OSMR: variants seen among roughly 807,000 people sequenced by gnomAD.
OSMR encodes oncostatin M receptor, also known as oncostatin-M-specific receptor subunit beta.
Under a neutral mutation model 99.9 loss-of-function variants are expected in OSMR, and 81 were observed. That is an observed-to-expected ratio of 0.81 (90% CI 0.68 to 0.97). OSMR has a LOEUF of 0.97. Among genes scored for constraint, OSMR ranks in the 50% least tolerant of loss-of-function variants. The pLI is 0.00. For synonymous variants in OSMR, 406 were observed against 410.4 expected (o/e 0.99, Z 0.13); for missense variants, 1,099 against 1,153.4 (o/e 0.95, Z 0.68).
rs543855737 is a variant in OSMR at position 38,934,492 on chromosome 5, T to C, written c.*1048T>C. The C allele has an allele frequency of 6.6e-6, 1 of 152,316 alleles. No homozygotes were observed. Among genetic ancestry groups the C allele is most frequent in the South Asian group, 2.1e-4 (1 of 4,824 alleles). 9.4% of individuals were successfully genotyped at this position (152,316 alleles called of 1,614,324 possible). ...CAGCTTTGTCTCCTCTGAACCAATA[T>C]ATCCCAAACCAATATATGCAAAGCA... On this transcript the variant is annotated 3_prime_UTR_variant, in exon 18 of 18. Coordinates refer to ENST00000274276, the MANE Select transcript of OSMR (RefSeq NM_003999.3).
At chr5:38,914,891 CTGTT>C (rs1745807709) in intron 9 of OSMR, among the ~76,000 whole-genome samples, 2 of 152,188 alleles carry the variant, frequency 1.3e-5, no homozygotes, top group Non-Finnish European at 2.9e-5. Flanking sequence ...TCTATGCCCA[CTGTT>C]TGGGTGATGG....
chr5:38,903,793 C>A, intron 7 of OSMR, 89 bp from the exon 8 acceptor site: 1 of 1,534,308 alleles, frequency 6.5e-7, no homozygotes, highest in Admixed American at 2.2e-5. Context: ...ACTTGTTGAA[C>A]AAATAAATGA....
At chr5:38,898,694 G>A (rs1458317676) in intron 7 of OSMR, among the ~76,000 whole-genome samples, 2 of 151,736 alleles carry the variant, frequency 1.3e-5, no homozygotes, top group African/African-American at 4.8e-5. Flanking sequence ...CTTTCTTCAA[G>A]TCTTTCTTTT....
At chr5:38,899,778 C>T (rs1218197553) in intron 7 of OSMR, among the ~76,000 whole-genome samples, 1 of 152,100 alleles carries the variant, frequency 6.6e-6, no homozygotes, top group East Asian at 1.9e-4. Flanking sequence ...AGCTGGTATC[C>T]AAGATGCAAG....
chr5:38,874,062 T>C (rs1742614104), intron 2 of OSMR, among the ~76,000 whole-genome samples: 1 of 152,132 alleles, frequency 6.6e-6, no homozygotes, highest in Non-Finnish European at 1.5e-5. Context: ...CATTTTTAAA[T>C]TGAGTTCTTT....
intron 7 of OSMR, among the ~76,000 whole-genome samples, chr5:38,900,969 C>T (rs1002006058): frequency 6.6e-6 from 1 of 152,204 alleles, no homozygotes; most frequent in African/African-American, 2.4e-5. Context: ...TTCCATAATT[C>T]TTGTCCCACA....
intron 11 of OSMR, chr5:38,919,475 A>G: frequency 1.7e-6 from 1 of 599,544 alleles, no homozygotes; most frequent in South Asian, 1.9e-5. Context: ...GTCCATGAAC[A>G]TTTCCAGAGA....
At chr5:38,918,422 C>G (rs72635265) in intron 10 of OSMR, among the ~76,000 whole-genome samples, 2,193 of 152,208 alleles carry the variant, frequency 0.014, 46 homozygotes, top group East Asian at 0.056. Flanking sequence ...TGTACGGCTG[C>G]ATAGGGGTAA....
chr5:38,940,928 G>A (rs1467196791), intron 1 of OSMR: 7 of 232,242 alleles, frequency 3.0e-5, no homozygotes, highest in South Asian at 1.8e-4. Flanking sequence ...TAATAAAAAT[G>A]TTATACACAA....
At chr5:38,895,560 A>T (rs574312815) in intron 7 of OSMR, among the ~76,000 whole-genome samples, 8 of 152,172 alleles carry the variant, frequency 5.3e-5, no homozygotes, top group Non-Finnish European at 1.2e-4. Flanking sequence ...TCAGATGGGT[A>T]GTTTGGAAAA....
intron 15 of OSMR, among the ~76,000 whole-genome samples, chr5:38,931,364 T>A (rs945917936): frequency 1.3e-5 from 2 of 152,182 alleles, no homozygotes; most frequent in African/African-American, 4.8e-5. Flanking sequence ...AGGTTCAGAT[T>A]TGTTTCACGC....
At position 38,919,056 on chromosome 5, in the gene OSMR, G is replaced by A. The variant is rs10941412; in HGVS notation, c.1579G>A (p.Glu527Lys). ...TGTAATAGTCATCTCTGCAGACCCC[G>A]AAAACAGTGAGTTTGTTTTCATTTT... ...ASVIVISADP[E>K]NKEVEEERIA... Residue 527 changes from glutamate (E) to lysine (K), a missense_variant, in exon 11 of 18, where the codon GAA becomes AAA. By Grantham distance (56) the Glu-to-Lys change is moderately conservative. Transcript: ENST00000274276. 271,816 of 1,613,218 alleles carry A rather than the reference G, an allele frequency of 0.17. 24,299 individuals carry two copies. The highest frequency in any genetic ancestry group is 0.25 in the African/African-American group (18,616 of 74,920).
chr5:38,901,408 G>A (rs1017828693), intron 7 of OSMR, among the ~76,000 whole-genome samples: 2 of 152,114 alleles, frequency 1.3e-5, no homozygotes, highest in East Asian at 1.9e-4. Context: ...TGCCAGTTTC[G>A]ATGTGCCAGT....
intron 7 of OSMR, 128 bp downstream of exon 7, chr5:38,886,318 C>A: frequency 6.5e-7 from 1 of 1,543,734 alleles, no homozygotes; most frequent in South Asian, 1.2e-5. Context: ...AGAATTTATA[C>A]CTATTGTTCA....
At chr5:38,936,478 C>T (rs547809788), downstream of OSMR, among the ~76,000 whole-genome samples, 1 of 152,196 alleles carries the variant, frequency 6.6e-6, no homozygotes, top group South Asian at 2.1e-4. Flanking sequence ...TGGGGGAACT[C>T]GACAATTCAA....
chr5:38,926,683 A>C lies in OSMR; in HGVS notation c.2212+1312A>C, dbSNP rs946137012. Among the ~76,000 whole-genome samples the C allele has an allele frequency of 1.4e-4, 22 of 152,178 alleles. 1 individual carries two copies. The highest frequency in any genetic ancestry group is 4.4e-5 in the Non-Finnish European group (3 of 68,026). ...AATATAGGAGCTGAAATATAAGATG[A>C]GATTTGGGTGGGGATACTGCCAAAC... On this transcript the variant is annotated intron_variant, in intron 15 of 17. Coordinates refer to ENST00000274276, the MANE Select transcript of OSMR (RefSeq NM_003999.3).
At position 38,924,442 on chromosome 5, in the gene OSMR, G is replaced by A. The variant is rs377012343; in HGVS notation, c.1891G>A (p.Val631Met). Residue 631 changes from valine to methionine, a missense_variant, in exon 14 of 18, where the codon GTG becomes ATG. Coordinates refer to ENST00000274276, the MANE Select transcript of OSMR (RefSeq NM_003999.3). Reference protein sequence around the residue: ...QELAPSDNPHVLVDTLTSHSF... With the variant: ...QELAPSDNPHMLVDTLTSHSF... ...CCTAGCTCCTTCAGACAACCCTCAC[G>A]TGCTGGTGGATACATTGACATCCCA... is the stretch of plus-strand genomic sequence containing the variant. 6.9e-5 allele frequency: 112 copies of A among 1,613,878 alleles called. No homozygotes were observed. The highest frequency in any genetic ancestry group is 5.2e-4 in the African/African-American group (39 of 74,864).
intron 8 of OSMR, 34 bp downstream of exon 8, chr5:38,904,058 A>T: frequency 6.2e-7 from 1 of 1,611,114 alleles, no homozygotes; most frequent in Non-Finnish European, 8.5e-7. Context: ...ATTTTCAAAA[A>T]TTCTTTTTTT....
intron 15 of OSMR, among the ~76,000 whole-genome samples, chr5:38,927,510 G>T (rs371299): frequency 0.033 from 5,010 of 152,296 alleles, 139 homozygotes; most frequent in South Asian, 0.081. Context: ...TGCACCCTCT[G>T]AAGCAATGAC....
Sources: gnomAD v4.1 joint callset for allele counts (sites outside exome capture counted in the v4.1 genomes callset) on GRCh38, gnomAD v4.1.1 for gene constraint, MANE v1.5 for transcripts, NCBI Gene and HGNC (gene_info 2026-07-23, HGNC 2026-07-21) for gene names.